The following SAMD5 variants were observed in gnomAD, a reference collection of about 807,000 sequenced individuals.
SAMD5 encodes sterile alpha motif domain containing 5, also known as sterile alpha motif domain-containing protein 5.
SAMD5 carries 13 observed loss-of-function variants against 11.3 expected under a neutral mutation model. The observed-to-expected ratio is 1.15, with a 90% CI of 0.75 to 1.83. The LOEUF (loss-of-function observed/expected upper bound fraction) is 1.83, where lower values mean the gene tolerates loss of function less well. Among genes scored for constraint, SAMD5 ranks in the 40% most tolerant of loss-of-function variants. The pLI, the probability that SAMD5 is intolerant of heterozygous loss-of-function variation, is 0.00. For missense variants in SAMD5, 255 were observed against 239.1 expected (o/e 1.07, Z -0.44); for synonymous variants, 129 against 111.3 (o/e 1.16, Z -1.00).
intron 1 of SAMD5, among the ~76,000 whole-genome samples, chr6:147,730,979 A>T (rs1334206812): frequency 1.3e-5 from 2 of 152,204 alleles, no homozygotes; most frequent in Non-Finnish European, 2.9e-5. Flanking sequence ...GAGGAATAGT[A>T]ACCATGACAA....
rs150592486 is a variant in SAMD5, at chr6:147,625,851, G to T, written c.163-111466G>T. Among the ~76,000 whole-genome samples the T allele has an allele frequency of 1.8e-3, 281 of 152,262 alleles. 2 individuals are homozygous for T. Among genetic ancestry groups the T allele is most frequent in the Non-Finnish European group, 2.3e-3 (155 of 68,018 alleles). On this transcript the variant is annotated intron_variant, in intron 1 of 1. Transcript: ENST00000566741. ...CATTGTGGCAAACTGTGGTAACTCC[G>T]CATCCAGTCCCACCCTTGCTAAAAG...
chr6:147,734,924 C>T (rs943859834), intron 1 of SAMD5, among the ~76,000 whole-genome samples: 4 of 151,960 alleles, frequency 2.6e-5, no homozygotes, highest in Non-Finnish European at 5.9e-5. Flanking sequence ...ACTCTTAATT[C>T]CATCATGACT....
At chr6:147,702,674 A>T (rs1791270377) in intron 1 of SAMD5, among the ~76,000 whole-genome samples, 1 of 152,218 alleles carries the variant, frequency 6.6e-6, no homozygotes, top group African/African-American at 2.4e-5. Flanking sequence ...TCACAAGTTC[A>T]GTTGGGTGCA....
At chr6:147,821,914 C>T in the SAMD5 span, among the ~76,000 whole-genome samples, 11 of 152,118 alleles carry the variant, frequency 7.2e-5, no homozygotes, top group East Asian at 3.9e-4. Context: ...ATCCCTAGAG[C>T]CTAGTGCAAT....
the SAMD5 span, among the ~76,000 whole-genome samples, chr6:147,936,080 G>C: frequency 6.6e-6 from 1 of 152,278 alleles, no homozygotes; most frequent in South Asian, 2.1e-4. Context: ...GTTCAAGAGA[G>C]AGTAAAGTCA....
chr6:147,570,266 T>G (rs1789116552), downstream of SAMD5, among the ~76,000 whole-genome samples: 1 of 152,162 alleles, frequency 6.6e-6, no homozygotes. Context: ...TGTTGTCGCC[T>G]TCTCTTGTGT....
rs766401008 is a variant in SAMD5 at position 147,509,058 on chromosome 6, A to G, written c.130A>G (p.Ile44Val). The G allele has an allele frequency of 6.2e-7, 1 of 1,605,594 alleles. No individual in the cohort carries two copies. The highest frequency in any genetic ancestry group is 8.5e-7 in the Non-Finnish European group (1 of 1,176,898). The change falls in exon 1 of 2, where the codon ATC becomes GTC. Residue 44 changes from isoleucine to valine, a missense_variant. By Grantham distance (29) the Ile-to-Val change is conservative. Coordinates refer to ENST00000367474, the MANE Select transcript of SAMD5 (RefSeq NM_001030060.3). ...KQIGDPDLDA[I>V]GVLAPAHRRR... ...GATCGGGGACCCGGACCTGGATGCC[A>G]TCGGGGTGCTGGCGCCCGCGCACCG...
the SAMD5 span, among the ~76,000 whole-genome samples, chr6:147,947,916 T>C: frequency 6.6e-6 from 1 of 152,170 alleles, no homozygotes; most frequent in Non-Finnish European, 1.5e-5. Context: ...AAGTTTTTGC[T>C]ACTTACGTAT....
chr6:147,844,876 TG>T, the SAMD5 span, among the ~76,000 whole-genome samples: 2 of 152,120 alleles, frequency 1.3e-5, no homozygotes, highest in Non-Finnish European at 2.9e-5. Flanking sequence ...GGGAAGATGT[TG>T]GTCGATAGGT....
chr6:147,590,689 G>A (rs1789440023), intron 1 of SAMD5, among the ~76,000 whole-genome samples: 1 of 152,194 alleles, frequency 6.6e-6, no homozygotes, highest in South Asian at 2.1e-4. Context: ...GGGATTACAA[G>A]TGTGAGCCAC....
At position 147,567,438 on chromosome 6, in the gene SAMD5, G is replaced by T. The variant is rs758989797; in HGVS notation, c.*2982G>T. Reference sequence around the variant, plus strand: ...ATTATTCTAGTAGTATTTTCCTGCGGTGAATCTGTTAAGGATGTAAGCTAT... The same window carrying T: ...ATTATTCTAGTAGTATTTTCCTGCGTTGAATCTGTTAAGGATGTAAGCTAT... On this transcript the variant is annotated 3_prime_UTR_variant, in exon 2 of 2. Coordinates refer to ENST00000367474, the MANE Select transcript of SAMD5 (RefSeq NM_001030060.3). The T allele has an allele frequency of 1.0e-6, 1 of 984,666 alleles. No homozygotes were observed. The highest frequency in any genetic ancestry group is 1.2e-6 in the Non-Finnish European group (1 of 829,218). The allele number at this position is 984,666 out of a possible 1,614,324, so 61.0% of individuals were successfully genotyped here. A position where few individuals can be genotyped will look rare whatever the true frequency, so the allele number is the denominator to read the frequency against.
chr6:147,727,737 T>G (rs987850729), intron 1 of SAMD5, among the ~76,000 whole-genome samples: 1 of 151,990 alleles, frequency 6.6e-6, no homozygotes, highest in East Asian at 1.9e-4. Context: ...ACAATTATCC[T>G]CTGTTGGTTA....
Position 147,568,758 on chromosome 6 carries a change from C to A in SAMD5, c.*4302C>A. 1 of 974,172 alleles carries A rather than the reference C, an allele frequency of 1.0e-6. No homozygotes were observed. Among genetic ancestry groups the A allele is most frequent in the Non-Finnish European group, 1.2e-6 (1 of 819,764 alleles). The allele number at this position is 974,172 out of a possible 1,614,324, so 60.3% of individuals were successfully genotyped here. A position where few individuals can be genotyped will look rare whatever the true frequency, so the allele number is the denominator to read the frequency against. On this transcript the variant is annotated 3_prime_UTR_variant, in exon 2 of 2. Transcript: ENST00000367474. ...CCTCAGTTGTCATCAATTACATATT[C>A]CTACATCAGATATTTTACACTATCA...
chr6:147,550,552 C>A (rs1788753795), intron 1 of SAMD5, among the ~76,000 whole-genome samples: 1 of 152,082 alleles, frequency 6.6e-6, no homozygotes, highest in Admixed American at 6.5e-5. Flanking sequence ...TATATATACA[C>A]AATGGAATAC....
intron 1 of SAMD5, among the ~76,000 whole-genome samples, chr6:147,702,248 C>G (rs896933463): frequency 1.3e-5 from 2 of 152,182 alleles, no homozygotes; most frequent in African/African-American, 4.8e-5. Context: ...GATTCAGTTA[C>G]CTCCCACAGG....
chr6:147,950,247 C>A, the SAMD5 span, among the ~76,000 whole-genome samples: 5 of 152,268 alleles, frequency 3.3e-5, no homozygotes, highest in Non-Finnish European at 7.4e-5. Context: ...TAATATATCT[C>A]AATCTCTTCT....
the SAMD5 span, among the ~76,000 whole-genome samples, chr6:147,883,723 G>T: frequency 6.6e-6 from 1 of 152,184 alleles, no homozygotes; most frequent in Non-Finnish European, 1.5e-5. Context: ...ACAGTGAAAA[G>T]GATGTGACAT....
the SAMD5 span, among the ~76,000 whole-genome samples, chr6:147,927,189 G>T: frequency 6.6e-6 from 1 of 151,986 alleles, no homozygotes; most frequent in Non-Finnish European, 1.5e-5. Flanking sequence ...GTTTTTTCTA[G>T]TTCTGTGAAG....
chr6:147,673,111 G>C lies in SAMD5; in HGVS notation c.163-64206G>C, dbSNP rs141566132. The stretch of plus-strand genomic sequence containing the variant: ...TACTGATTTTTCTTATCTTGTCCTT[G>C]GCTCCTTGGCTCTTACAGAAATACC... On this transcript the variant is annotated intron_variant, in intron 1 of 1. Coordinates refer to the SAMD5 transcript ENST00000566741. 2.5e-3 allele frequency among the ~76,000 whole-genome samples: 379 copies of C among 152,016 alleles called. 1 individual carries two copies. Among genetic ancestry groups the C allele is most frequent in the African/African-American group, 8.7e-3 (360 of 41,442 alleles).
Sources: gnomAD v4.1 joint callset for allele counts (sites outside exome capture counted in the v4.1 genomes callset) on GRCh38, gnomAD v4.1.1 for gene constraint, MANE v1.5 for transcripts, NCBI Gene and HGNC (gene_info 2026-07-23, HGNC 2026-07-21) for gene names.